The following MFN2 variants were observed in gnomAD, a reference collection of about 807,000 sequenced individuals.
The protein encoded by MFN2 is mitofusin-2.
Under a neutral mutation model 87.5 loss-of-function variants are expected in MFN2, and 43 were observed. The observed-to-expected ratio is 0.49, with a 90% CI of 0.38 to 0.63. The LOEUF is 0.63. Among genes scored for constraint, MFN2 ranks in the 30% least tolerant of loss-of-function variants. The pLI is 0.00. For missense variants in MFN2, 743 were observed against 972.8 expected, an observed-to-expected ratio of 0.76 and a Z score of 3.14; for synonymous variants, 337 against 359.9, an observed-to-expected ratio of 0.94 and a Z score of 0.72.
chr1:12,009,640 C>G lies in MFN2; in HGVS notation c.2118C>G (p.Thr706=), dbSNP rs1281194317. Residue 706 remains threonine (T), a synonymous_variant, in exon 18 of 19, where the codon ACC becomes ACG. Transcript: ENST00000235329. The part of the protein sequence containing the change: ...FAHLCQQVDV[T]RENLEQEIAA... ...ATCTGTGTCAGCAAGTTGACGTCAC[C>G]CGGGAGAACCTGGAGCAGGAAATTG... 1.4e-5 allele frequency: 22 copies of G among 1,614,222 alleles called. No individual in the cohort carries two copies. Among genetic ancestry groups the G allele is most frequent in the African/African-American group, 1.2e-4 (9 of 75,050 alleles).
At chr1:11,998,032 CGCCACCAT>C (rs1215257879) in intron 6 of MFN2, among the ~76,000 whole-genome samples, 11 of 150,848 alleles carry the variant, frequency 7.3e-5, no homozygotes, top group Non-Finnish European at 1.5e-4. Flanking sequence ...TACAGGTGCC[CGCCACCAT>C]GCCTGGCTAA....
At chr1:11,997,866 A>AATT (rs1207764169) in intron 6 of MFN2, among the ~76,000 whole-genome samples, 2 of 143,944 alleles carry the variant, frequency 1.4e-5, no homozygotes, top group African/African-American at 5.1e-5. Context: ...ACTTCACCTT[A>AATT]ATTGTATATC....
intron 15 of MFN2, among the ~76,000 whole-genome samples, chr1:12,006,225 T>A (rs1431170644): frequency 6.6e-6 from 1 of 152,188 alleles, no homozygotes. Context: ...TACGACTATT[T>A]TAAAGTTCAG....
rs1371006382 is a variant in MFN2, at chr1:12,002,076, C to A, written c.1133C>A (p.Ser378Tyr). 1 of 1,614,264 alleles carries A rather than the reference C, an allele frequency of 6.2e-7. No individual in the cohort carries two copies. Among genetic ancestry groups the A allele is most frequent in the East Asian group, 2.2e-5 (1 of 44,892 alleles). Residue 378 changes from serine to tyrosine, a missense_variant, in exon 11 of 19, where the codon TCC becomes TAC. Around this residue, in one of 3 missense-constraint regions of MFN2, gnomAD observed 571 missense variants for 670.7 expected, o/e 0.85. Coordinates refer to ENST00000235329, the MANE Select transcript of MFN2 (RefSeq NM_014874.4). ...IAEAVRLIMD[S>Y]LHMAAREQQV... ...GAGGCGGTTCGACTCATCATGGACT[C>A]CCTGCACATGGCGGCTCGGGAGCAG...
chr1:11,998,128 C>A (rs1239028867), intron 6 of MFN2, among the ~76,000 whole-genome samples: 2 of 151,750 alleles, frequency 1.3e-5, no homozygotes, highest in East Asian at 3.9e-4. Context: ...ATGATCCGCC[C>A]ACCTTAGCCT....
chr1:12,006,454 C>T lies in MFN2; in HGVS notation c.1717-84C>T, dbSNP rs907293222. The stretch of plus-strand genomic sequence containing the variant: ...TGAAGAGCCACTCTGTGTCCCTGTT[C>T]CCCAGACTAGGGCAACACTGAGGGT... On this transcript the variant is annotated intron_variant, in intron 15 of 18. Transcript: ENST00000235329. 25 of 1,554,976 alleles carry T rather than the reference C, an allele frequency of 1.6e-5. No homozygotes were observed. In the African/African-American group the frequency reaches 3.3e-4, roughly 20 times the overall value.
At chr1:11,993,249 T>A (rs1241966339) in intron 4 of MFN2, among the ~76,000 whole-genome samples, 2 of 151,948 alleles carry the variant, frequency 1.3e-5, no homozygotes, top group Non-Finnish European at 2.9e-5. Flanking sequence ...TTTTTTTTTC[T>A]CCATTCATAA....
rs1638553326 is a variant in MFN2, at chr1:11,989,032, G to A, written c.-4-133G>A. On this transcript the variant is annotated intron_variant, in intron 2 of 18. Coordinates refer to ENST00000235329, the MANE Select transcript of MFN2 (RefSeq NM_014874.4). ...CACTGTTCTTATCTCACCGTCCTTTGTTCTAGTCCTGGAGGTTGCAGTGAC... is the reference window on the plus strand; with the variant it reads ...CACTGTTCTTATCTCACCGTCCTTTATTCTAGTCCTGGAGGTTGCAGTGAC... 21 of 1,006,386 alleles carry A rather than the reference G, an allele frequency of 2.1e-5. No individual in the cohort carries two copies. In the South Asian group the frequency reaches 2.7e-4, roughly 13 times the overall value. The allele number at this position is 1,006,386 out of a possible 1,614,324, so 62.3% of individuals were successfully genotyped here.
At chr1:11,998,700 G>A in intron 6 of MFN2, 70 bp from the exon 7 acceptor site, 2 of 1,422,120 alleles carry the variant, frequency 1.4e-6, no homozygotes, top group Non-Finnish European at 2.0e-6. Context: ...CAAGTCCCAG[G>A]TCTGTTCTCA....
chr1:11,995,118 G>A (rs952625343), intron 4 of MFN2, among the ~76,000 whole-genome samples: 5 of 152,036 alleles, frequency 3.3e-5, no homozygotes, highest in African/African-American at 9.7e-5. Context: ...CGCAGCTATA[G>A]TCTATATATA....
chr1:11,987,268 C>T (rs185511298), intron 2 of MFN2, among the ~76,000 whole-genome samples: 27 of 150,158 alleles, frequency 1.8e-4, no homozygotes, highest in Non-Finnish European at 4.0e-4. Flanking sequence ...GCTGAGATTG[C>T]ACCACTGCAC....
chr1:11,986,425 C>T (rs916240407), intron 2 of MFN2, among the ~76,000 whole-genome samples: 3 of 152,106 alleles, frequency 2.0e-5, no homozygotes, highest in Non-Finnish European at 4.4e-5. Context: ...CCCCCTCATC[C>T]AGGAGGGCCT....
intron 4 of MFN2, 140 bp downstream of exon 4, chr1:11,992,830 T>G: frequency 8.6e-7 from 1 of 1,167,132 alleles, no homozygotes; most frequent in Non-Finnish European, 1.2e-6. Context: ...TTTATTTATT[T>G]ATTTGATTTT....
In MFN2 at chr1:12,002,074, C is replaced by T. The variant is rs759342718; in HGVS notation, c.1131C>T (p.Asp377=). 6.2e-7 allele frequency: 1 copy of T among 1,614,270 alleles called. No individual in the cohort carries two copies. Among genetic ancestry groups the T allele is most frequent in the East Asian group, 2.2e-5 (1 of 44,888 alleles). Residue 377 remains aspartate, a synonymous_variant, in exon 11 of 19, where the codon GAC becomes GAT. Coordinates refer to ENST00000235329, the MANE Select transcript of MFN2 (RefSeq NM_014874.4). The part of the protein sequence containing the change: ...QIAEAVRLIM[D]SLHMAAREQQ... ...CAGAGGCGGTTCGACTCATCATGGA[C>T]TCCCTGCACATGGCGGCTCGGGAGC...
rs1196253095 is a variant in MFN2, at chr1:12,001,510, T to C, written c.926T>C (p.Val309Ala). 1.9e-6 allele frequency: 3 copies of C among 1,614,142 alleles called. No homozygotes were observed. The highest frequency in any genetic ancestry group is 1.7e-6 in the Non-Finnish European group (2 of 1,180,024). ...DRIFFVSAKE[V>A]LNARIQKAQG... ...ATCTTCTTTGTGTCTGCTAAGGAGG[T>C]GCTCAACGCCAGGATTCAGAAAGCC... Residue 309 changes from valine to alanine, a missense_variant, in exon 9 of 19, where the codon GTG (valine) becomes GCG (alanine). Physicochemically the swap from Val to Ala is moderately conservative, Grantham distance 64. This residue lies in a region of MFN2 where 571 missense variants were observed against 670.7 expected (regional missense o/e 0.85). Transcript: ENST00000235329.
rs1639312131 is a variant in MFN2 at position 12,004,422 on chromosome 1, G to GTGCC, written c.1288-86_1288-83dup. 2.6e-6 allele frequency: 3 copies of GTGCC among 1,168,346 alleles called. No homozygotes were observed. In the Admixed American group the frequency reaches 5.0e-5, roughly 20 times the overall value. The allele number at this position is 1,168,346 out of a possible 1,614,324, so 72.4% of individuals were successfully genotyped here. A position where few individuals can be genotyped will look rare whatever the true frequency, so the allele number is the denominator to read the frequency against. On this transcript the variant is annotated intron_variant, in intron 12 of 18. Coordinates refer to ENST00000235329, the MANE Select transcript of MFN2 (RefSeq NM_014874.4). The surrounding 1 kb of genome is among the most constrained non-coding windows in gnomAD (Gnocchi z 4.2). ...AGGCTGCTGGTTTGAGAGGAAGGAT[G>GTGCC]TGCCATCTGCTAGGATCTCTCCTGG... is the stretch of plus-strand genomic sequence containing the variant.
At chr1:11,985,174 C>G (rs914057008) in intron 2 of MFN2, among the ~76,000 whole-genome samples, 6 of 152,102 alleles carry the variant, frequency 3.9e-5, no homozygotes, top group Admixed American at 6.5e-5. Context: ...CTGCTGTCCG[C>G]TGGTTGGTGT....
rs1639378035 is a variant in MFN2, at chr1:12,005,711, A to T, written c.1496A>T (p.Asp499Val). The T allele has an allele frequency of 6.2e-7, 1 of 1,614,104 alleles. No homozygotes were observed. Among genetic ancestry groups the T allele is most frequent in the Non-Finnish European group, 8.5e-7 (1 of 1,179,960 alleles). ...SLQTMQQDMI[D>V]GLKPLLPVSV... ...TTTCCTCCATTTCTCTTCCTGACAG[A>T]TGGCTTGAAACCCCTCCTTCCTGTG... Residue 499 changes from aspartate (D) to valine (V), a missense_variant and splice_region_variant, in exon 15 of 19, where the codon GAT becomes GTT. Asp to Val is a radical substitution (Grantham distance 152). This residue lies in a region of MFN2 where 571 missense variants were observed against 670.7 expected (regional missense o/e 0.85). Coordinates refer to ENST00000235329, the MANE Select transcript of MFN2 (RefSeq NM_014874.4).
intron 3 of MFN2, among the ~76,000 whole-genome samples, chr1:11,991,204 G>A (rs1638658445): frequency 6.6e-6 from 1 of 152,240 alleles, no homozygotes; most frequent in South Asian, 2.1e-4. Flanking sequence ...GTCTGCTCAC[G>A]TAGCAAACAT....
Sources: allele counts gnomAD v4.1 joint callset (sites outside exome capture counted in the v4.1 genomes callset), GRCh38; gene constraint gnomAD v4.1.1; regional missense constraint gnomAD v4.1.1; non-coding constraint Gnocchi (gnomAD v3.1); transcripts MANE v1.5; gene names NCBI Gene and HGNC (gene_info 2026-07-23, HGNC 2026-07-21).